APBA2: variants seen among roughly 807,000 people sequenced by gnomAD.
APBA2 encodes the protein amyloid-beta A4 precursor protein-binding family A member 2.
In APBA2, 30 loss-of-function variants were observed where a neutral mutation model predicts 75.0. The observed-to-expected ratio is 0.40, with a 90% CI of 0.30 to 0.54. APBA2 has a LOEUF of 0.54. Ranked by LOEUF, APBA2 falls within the 20% of genes least tolerant of loss-of-function variation. The pLI is 0.49. For synonymous variants in APBA2, 444 were observed against 409.6 expected (o/e 1.08, Z -1.01); for missense variants, 801 against 1,016.1 (o/e 0.79, Z 2.88).
At chr15:29,108,152 C>G (rs2044529424) in intron 12 of APBA2, 118 bp from the exon 13 acceptor site, 11 of 1,462,528 alleles carry the variant, frequency 7.5e-6, no homozygotes, top group Non-Finnish European at 1.0e-5. Context: ...GACTGCCTGC[C>G]TCTCCCATTG....
intron 2 of APBA2, among the ~76,000 whole-genome samples, chr15:28,927,413 T>G (rs2034327440): frequency 6.6e-6 from 1 of 151,992 alleles, no homozygotes; most frequent in South Asian, 2.1e-4. Flanking sequence ...GTCTGTGGCT[T>G]GGATCTGTCA....
At position 29,054,668 on chromosome 15, in the gene APBA2, G is replaced by C; in HGVS notation, c.784G>C (p.Val262Leu). ...GCCTGAGCCAGGGCCTGAGGACTCT[G>C]TAGAGGCCTGCCCACCCATCAAGGC... ...HGPEPGPEDSVEACPPIKASC... is the reference protein window; with the variant it reads ...HGPEPGPEDSLEACPPIKASC... The change falls in exon 4 of 15, where the codon GTA becomes CTA. Residue 262 changes from valine (V) to leucine (L), a missense_variant. Physicochemically the swap from Val to Leu is conservative, Grantham distance 32. Coordinates refer to ENST00000683413, the MANE Select transcript of APBA2 (RefSeq NM_001353788.2). This position sits in a 1 kb window ranked among gnomAD's most constrained non-coding sequence, Gnocchi z 6.1. 6.2e-7 allele frequency: 1 copy of C among 1,614,126 alleles called. No homozygotes were observed. The highest frequency in any genetic ancestry group is 8.5e-7 in the Non-Finnish European group (1 of 1,180,036).
chr15:29,002,276 G>T (rs371302909), intron 3 of APBA2, among the ~76,000 whole-genome samples: 2 of 152,250 alleles, frequency 1.3e-5, no homozygotes, highest in African/African-American at 4.8e-5. Flanking sequence ...ATGTCATGGA[G>T]ACGTTTTCTA....
chr15:28,908,350 G>A (rs1031922196), intron 1 of APBA2, among the ~76,000 whole-genome samples: 13 of 140,696 alleles, frequency 9.2e-5, no homozygotes, highest in African/African-American at 2.5e-4. Context: ...TTGCTCTGTC[G>A]CCCAGGCTGG....
intron 1 of APBA2, among the ~76,000 whole-genome samples, chr15:28,906,491 C>T (rs1174152308): frequency 6.6e-6 from 1 of 152,170 alleles, no homozygotes; most frequent in South Asian, 2.1e-4. Context: ...GGGTTGTTTC[C>T]GTAGCATAGG....
intron 2 of APBA2, among the ~76,000 whole-genome samples, chr15:28,924,224 G>A (rs775664722): frequency 3.9e-5 from 6 of 152,114 alleles, no homozygotes; most frequent in South Asian, 4.1e-4. Flanking sequence ...CTCATGATGA[G>A]ATATGATGTC....
intron 2 of APBA2, among the ~76,000 whole-genome samples, chr15:28,927,673 C>T (rs983534046): frequency 2.7e-5 from 4 of 150,596 alleles, no homozygotes; most frequent in African/African-American, 4.9e-5. Flanking sequence ...GTGATCCCCC[C>T]GCCTCAGCCT....
At chr15:29,114,150 CTG>C in intron 14 of APBA2, 134 bp downstream of exon 14, 1 of 1,354,442 alleles carries the variant, frequency 7.4e-7, no homozygotes, top group Non-Finnish European at 1.0e-6. Context: ...ATCGGGGCTG[CTG>C]TGACAAGGGT....
chr15:29,067,778 T>C (rs2042440971), intron 4 of APBA2, among the ~76,000 whole-genome samples: 1 of 152,228 alleles, frequency 6.6e-6, no homozygotes, highest in Non-Finnish European at 1.5e-5. Context: ...CATTGGTACC[T>C]TCTTTATAGA....
intron 3 of APBA2, among the ~76,000 whole-genome samples, chr15:29,051,425 C>T (rs8030283): frequency 0.32 from 49,155 of 151,912 alleles, 11,882 homozygotes; most frequent in African/African-American, 0.69. Flanking sequence ...CTCCGCATAC[C>T]AGTGATGCTC....
chr15:28,936,370 A>G (rs1351564529), intron 2 of APBA2, among the ~76,000 whole-genome samples: 2 of 152,250 alleles, frequency 1.3e-5, no homozygotes, highest in African/African-American at 2.4e-5. Context: ...AGTCATGGGC[A>G]GGAAAAGCAT....
At chr15:28,987,703 G>A (rs1029985192) in intron 2 of APBA2, among the ~76,000 whole-genome samples, 2 of 138,512 alleles carry the variant, frequency 1.4e-5, no homozygotes, top group Admixed American at 1.5e-4. Context: ...CTCTTTGAAG[G>A]GAGTGTCAAA....
chr15:29,117,194 C>A lies in APBA2; in HGVS notation c.*61C>A. The A allele has an allele frequency of 6.5e-7, 1 of 1,540,900 alleles. No homozygotes were observed. Among genetic ancestry groups the A allele is most frequent in the Non-Finnish European group, 9.0e-7 (1 of 1,115,884 alleles). ...GCAGGGCCGCCCGGGCCCAGAGGAG[C>A]TGGGAGCCGGGCCGCAGACTTGACC... On this transcript the variant is annotated 3_prime_UTR_variant, in exon 15 of 15. Coordinates refer to ENST00000683413, the MANE Select transcript of APBA2 (RefSeq NM_001353788.2).
At chr15:29,087,105 C>T (rs774363652) in intron 6 of APBA2, among the ~76,000 whole-genome samples, 32 of 152,188 alleles carry the variant, frequency 2.1e-4, no homozygotes, top group Non-Finnish European at 3.2e-4. Flanking sequence ...GTGCTGTTCA[C>T]AGGAGCATGG....
At chr15:28,996,377 T>A (rs982028752) in intron 3 of APBA2, among the ~76,000 whole-genome samples, 1 of 152,090 alleles carries the variant, frequency 6.6e-6, no homozygotes, top group Admixed American at 6.6e-5. Flanking sequence ...GCGTGGTCCA[T>A]CCTCCCTCCC....
chr15:28,985,386 A>T (rs1182119686), intron 2 of APBA2, among the ~76,000 whole-genome samples: 1 of 152,092 alleles, frequency 6.6e-6, no homozygotes, highest in Non-Finnish European at 1.5e-5. Context: ...TCGGGTCCAG[A>T]TTTTCGTGGT....
chr15:29,066,691 G>T (rs1483245991), intron 4 of APBA2, among the ~76,000 whole-genome samples: 1 of 152,120 alleles, frequency 6.6e-6, no homozygotes, highest in Non-Finnish European at 1.5e-5. Context: ...ACTTAAAAAT[G>T]GTTAAGATGG....
intron 4 of APBA2, among the ~76,000 whole-genome samples, chr15:29,063,273 G>A (rs2042221659): frequency 7.2e-6 from 1 of 138,552 alleles, no homozygotes; most frequent in African/African-American, 2.6e-5. Flanking sequence ...TGTCTGTATG[G>A]GTGGGGAGGG....
At chr15:29,109,290 C>T (rs558004967) in intron 13 of APBA2, among the ~76,000 whole-genome samples, 62 of 152,264 alleles carry the variant, frequency 4.1e-4, no homozygotes, top group African/African-American at 1.4e-3. Flanking sequence ...TTACACCCAC[C>T]GTCAGGGTGG....
Sources: allele counts gnomAD v4.1 joint callset (sites outside exome capture counted in the v4.1 genomes callset), GRCh38; gene constraint gnomAD v4.1.1; non-coding constraint Gnocchi (gnomAD v3.1); transcripts MANE v1.5; gene names NCBI Gene and HGNC (gene_info 2026-07-23, HGNC 2026-07-21).